ZNF334: variants seen among roughly 807,000 people sequenced by gnomAD.
The protein encoded by ZNF334 is zinc finger protein 334.
Under a neutral mutation model 12.4 loss-of-function variants are expected in ZNF334, and 14 were observed. The ratio of observed to expected loss-of-function variants is 1.13; its 90% CI spans 0.74 to 1.76. The LOEUF is 1.76. Ranked by LOEUF, ZNF334 falls within the 40% of genes most tolerant of loss-of-function variation. The pLI is 0.00. For synonymous variants in ZNF334, 273 were observed against 269.6 expected, an observed-to-expected ratio of 1.01 and a Z score of -0.12; for missense variants, 797 against 804.5, an observed-to-expected ratio of 0.99 and a Z score of 0.11.
In ZNF334 at chr20:46,500,783, G is replaced by C. The variant is rs2061130158; in HGVS notation, c.*513C>G. 6.2e-6 allele frequency: 1 copy of C among 160,246 alleles called. No individual in the cohort carries two copies. The highest frequency in any genetic ancestry group is 1.4e-5 in the Non-Finnish European group (1 of 72,380). The allele number at this position is 160,246 out of a possible 1,614,324, so 9.9% of individuals were successfully genotyped here. On this transcript the variant is annotated 3_prime_UTR_variant, in exon 5 of 5. Transcript: ENST00000692313. Reference sequence around the variant, plus strand: ...ATAGAGTACAATGGTTAGTTCTCCTGAGTTGTCACCTTTGCAGATAAAGGT... The same window carrying C: ...ATAGAGTACAATGGTTAGTTCTCCTCAGTTGTCACCTTTGCAGATAAAGGT...
chr20:46,483,416 C>T, the ZNF334 span, among the ~76,000 whole-genome samples: 4 of 151,750 alleles, frequency 2.6e-5, no homozygotes, highest in African/African-American at 9.7e-5. Context: ...TTTATAAGGT[C>T]GATTTTATTA....
At chr20:46,497,769 T>C (rs1361929974), downstream of ZNF334, among the ~76,000 whole-genome samples, 9 of 152,252 alleles carry the variant, frequency 5.9e-5, no homozygotes, top group Non-Finnish European at 1.3e-4. Flanking sequence ...CATTCTCTCA[T>C]ATAATCTTAT....
chr20:46,469,124 T>C, the ZNF334 span, among the ~76,000 whole-genome samples: 1 of 152,168 alleles, frequency 6.6e-6, no homozygotes, highest in African/African-American at 2.4e-5. Flanking sequence ...TTATTTGATA[T>C]ATAATTAAAA....
At chr20:46,486,198 T>C in the ZNF334 span, among the ~76,000 whole-genome samples, 6 of 152,222 alleles carry the variant, frequency 3.9e-5, no homozygotes, top group African/African-American at 1.4e-4. Flanking sequence ...TTGTATAACC[T>C]TCATTTATAA....
chr20:46,476,179 T>C, the ZNF334 span: 3 of 152,220 alleles, frequency 2.0e-5, no homozygotes, highest in South Asian at 6.2e-4. Context: ...AATATTTATA[T>C]AACATTCTTG....
chr20:46,504,484 A>T, intron 3 of ZNF334, 130 bp downstream of exon 3: 2 of 1,266,742 alleles, frequency 1.6e-6, no homozygotes, highest in Non-Finnish European at 2.2e-6. Flanking sequence ...ACAAACTTCT[A>T]CTGTCTAAAA....
At chr20:46,466,755 A>C in the ZNF334 span, among the ~76,000 whole-genome samples, 1 of 152,158 alleles carries the variant, frequency 6.6e-6, no homozygotes, top group African/African-American at 2.4e-5. Context: ...AAGTGCTGGG[A>C]TTACAGGCAT....
At position 46,501,828 on chromosome 20, in the gene ZNF334, C is replaced by A. The variant is rs1453049062; in HGVS notation, c.1511G>T (p.Cys504Phe). The change falls in exon 5 of 5, where the codon TGC (cysteine) becomes TTC (phenylalanine). Residue 504 changes from cysteine to phenylalanine, a missense_variant. By Grantham distance (205) the Cys-to-Phe change is radical (BLOSUM62 -2). Transcript: ENST00000692313. ...CGRISIVKSN[C>F]SQCKRMNTKE... is the part of the protein sequence containing the mutation. ...TGTGTTCATTCTCTTACACTGACTG[C>A]AGTTTGACTTCACAATGGAGATTCT... 6.2e-7 allele frequency: 1 copy of A among 1,613,840 alleles called. No individual in the cohort carries two copies. The highest frequency in any genetic ancestry group is 1.1e-5 in the South Asian group (1 of 91,066).
rs752954385 is a variant in ZNF334, at chr20:46,502,278, C to T, written c.1061G>A (p.Cys354Tyr). 3 of 1,614,050 alleles carry T rather than the reference C, an allele frequency of 1.9e-6. No homozygotes were observed. The highest frequency in any genetic ancestry group is 2.5e-6 in the Non-Finnish European group (3 of 1,180,032). ...CGATTTCTTGCTGAAGGCATTTCCA[C>T]ATTCCTTGCATTCGTAAGGCTTCTC... ...TGEKPYECKE[C>Y]GNAFSKKSYL... Residue 354 changes from cysteine (C) to tyrosine (Y), a missense_variant, in exon 5 of 5, where the codon TGT becomes TAT. Cys to Tyr is a radical substitution (Grantham distance 194, BLOSUM62 -2). Coordinates refer to ENST00000692313, the MANE Select transcript of ZNF334 (RefSeq NM_001353824.2).
At chr20:46,511,776 T>C (rs1051035786) in intron 2 of ZNF334, among the ~76,000 whole-genome samples, 7 of 152,176 alleles carry the variant, frequency 4.6e-5, no homozygotes, top group African/African-American at 1.7e-4. Context: ...CTCAGCTGTT[T>C]TTGGCAGAAC....
At chr20:46,503,490 A>C (rs909389102) in intron 4 of ZNF334, among the ~76,000 whole-genome samples, 3 of 152,212 alleles carry the variant, frequency 2.0e-5, no homozygotes, top group African/African-American at 7.2e-5. Flanking sequence ...TCAAGTAAGC[A>C]CTTAGAGAAA....
intron 1 of ZNF334, 110 bp from the exon 2 acceptor site, chr20:46,512,250 G>T: frequency 2.8e-6 from 2 of 716,844 alleles, no homozygotes; most frequent in Non-Finnish European, 4.7e-6. Context: ...CCTTTGACCA[G>T]TCTGGTTCAG....
rs750375725 is a variant in ZNF334, at chr20:46,501,876, T to G, written c.1463A>C (p.His488Pro). ...TCTACCACATTTATTAAACACACCA[T>G]GTTTCTCTCCTGTGTGTGTTCTCTG... ...IHQRTHTGEK[H>P]GVFNKCGRIS... Residue 488 changes from histidine (H) to proline (P), a missense_variant, in exon 5 of 5, where the codon CAT becomes CCT. His to Pro is a moderately conservative substitution (Grantham distance 77, BLOSUM62 -2). Transcript: ENST00000692313. 6.2e-6 allele frequency: 10 copies of G among 1,610,690 alleles called. No homozygotes were observed. The highest frequency in any genetic ancestry group is 8.5e-6 in the Non-Finnish European group (10 of 1,178,714).
chr20:46,507,239 C>A (rs1311681969), intron 2 of ZNF334, among the ~76,000 whole-genome samples: 1 of 151,190 alleles, frequency 6.6e-6, no homozygotes, highest in African/African-American at 2.4e-5. Context: ...AAAGGAAAAA[C>A]AAGGGAAAGG....
chr20:46,494,687 G>C (rs1456528762), downstream of ZNF334, among the ~76,000 whole-genome samples: 1 of 152,144 alleles, frequency 6.6e-6, no homozygotes, highest in African/African-American at 2.4e-5. Flanking sequence ...AGTTAAACAG[G>C]AGCCATTTCA....
At chr20:46,491,877 A>G in the ZNF334 span, 1 of 154,558 alleles carries the variant, frequency 6.5e-6, no homozygotes, top group South Asian at 2.1e-4. Context: ...CTTAACCAAC[A>G]TAAAAAAATT....
chr20:46,509,891 T>C, intron 2 of ZNF334: 2 of 586,306 alleles, frequency 3.4e-6, no homozygotes, highest in Non-Finnish European at 6.1e-6. Context: ...CTGGCAGAGT[T>C]GAGAACCACC....
the ZNF334 span, among the ~76,000 whole-genome samples, chr20:46,467,276 C>T: frequency 2.0e-5 from 3 of 151,972 alleles, no homozygotes; most frequent in Non-Finnish European, 2.9e-5. Flanking sequence ...ACTTTCCACA[C>T]AAAAATAAGG....
chr20:46,491,526 C>T, the ZNF334 span: 1 of 153,064 alleles, frequency 6.5e-6, no homozygotes, highest in Non-Finnish European at 1.5e-5. Flanking sequence ...AAAAGCATCT[C>T]AAATCTTAAT....
Sources: allele counts gnomAD v4.1 joint callset (sites outside exome capture counted in the v4.1 genomes callset), GRCh38; gene constraint gnomAD v4.1.1; transcripts MANE v1.5; gene names NCBI Gene and HGNC (gene_info 2026-07-23, HGNC 2026-07-21).